RECQL5: variants seen among roughly 807,000 people sequenced by gnomAD.
The protein encoded by RECQL5 is ATP-dependent DNA helicase Q5.
In RECQL5, 88 loss-of-function variants were observed where a neutral mutation model predicts 103.4. The ratio of observed to expected loss-of-function variants is 0.85; its 90% CI spans 0.72 to 1.02. The LOEUF is 1.02. Ranked by LOEUF, RECQL5 falls within the 50% of genes least tolerant of loss-of-function variation. The pLI, the probability that RECQL5 is intolerant of heterozygous loss-of-function variation, is 0.00. For synonymous variants in RECQL5, 552 were observed against 507.9 expected, an observed-to-expected ratio of 1.09 and a Z score of -1.17; for missense variants, 1,232 against 1,284.3, an observed-to-expected ratio of 0.96 and a Z score of 0.62.
chr17:75,665,296 G>T, intron 2 of RECQL5, 124 bp from the exon 3 acceptor site: 1 of 839,704 alleles, frequency 1.2e-6, no homozygotes, highest in Non-Finnish European at 1.8e-6. Flanking sequence ...GGGTCTCGAT[G>T]TAATCCTAAT....
chr17:75,632,078 A>G (rs1196091328), intron 8 of RECQL5, among the ~76,000 whole-genome samples: 1 of 152,262 alleles, frequency 6.6e-6, no homozygotes, highest in Non-Finnish European at 1.5e-5. Context: ...AGAAAGGCAC[A>G]GCCCTCACGG....
In RECQL5 at chr17:75,636,522, T is replaced by G. The variant is rs1424775855; in HGVS notation, c.1230-4854A>C. On this transcript the variant is annotated intron_variant, in intron 8 of 19. Transcript: ENST00000317905. This position sits in a 1 kb window ranked among gnomAD's most constrained non-coding sequence, Gnocchi z 5.4. Reference sequence around the variant, plus strand: ...CACAGCTGGGAACACTAAGGTTCCCTTAGGAGCAGCGGCTGGGGCACATGC... The same window carrying G: ...CACAGCTGGGAACACTAAGGTTCCCGTAGGAGCAGCGGCTGGGGCACATGC... 2 of 152,186 alleles carry G rather than the reference T, an allele frequency of 1.3e-5. No homozygotes were observed. The highest frequency in any genetic ancestry group is 2.9e-5 in the Non-Finnish European group (2 of 68,056). The allele number at this position is 152,186 out of a possible 1,614,324, so 9.4% of individuals were successfully genotyped here. A position where few individuals can be genotyped will look rare whatever the true frequency, so the allele number is the denominator to read the frequency against.
In RECQL5 at chr17:75,648,174, C is replaced by A. The variant is rs140400581; in HGVS notation, c.1229+3012G>T. On this transcript the variant is annotated intron_variant, in intron 8 of 19. Coordinates refer to ENST00000317905, the MANE Select transcript of RECQL5 (RefSeq NM_004259.7). Reference sequence around the variant, plus strand: ...TCTCTCCCACCACAGGGCCTTTGCACATGCTATTCTCATTGACCGGGATGC... The same window carrying A: ...TCTCTCCCACCACAGGGCCTTTGCAAATGCTATTCTCATTGACCGGGATGC... 1.7e-4 allele frequency among the ~76,000 whole-genome samples: 26 copies of A among 152,140 alleles called. No individual in the cohort carries two copies. In the East Asian group the frequency reaches 4.7e-3, roughly 27 times the overall value.
At chr17:75,665,292 C>T (rs900028299) in intron 2 of RECQL5, 120 bp from the exon 3 acceptor site, 19 of 852,834 alleles carry the variant, frequency 2.2e-5, no homozygotes, top group Non-Finnish European at 3.1e-5. Flanking sequence ...GGGAGGGTCT[C>T]GATGTAATCC....
intron 7 of RECQL5, 46 bp from the exon 8 acceptor site, chr17:75,651,311 T>C (rs2059552795): frequency 6.2e-7 from 1 of 1,610,280 alleles, no homozygotes; most frequent in African/African-American, 1.3e-5. Flanking sequence ...AGAATTGGAC[T>C]ACCTTAGAGC....
At chr17:75,650,227 T>A (rs1184280077) in intron 8 of RECQL5, 1 of 990,602 alleles carries the variant, frequency 1.0e-6, no homozygotes, top group African/African-American at 1.7e-5. Flanking sequence ...AGCCGACCAC[T>A]TTTGCTGGGC....
chr17:75,661,507 G>A (rs987565900), intron 5 of RECQL5, 99 bp downstream of exon 5: 16 of 801,800 alleles, frequency 2.0e-5, no homozygotes, highest in African/African-American at 1.5e-4. Context: ...TCTGCAATAA[G>A]ATGGTGGGTC....
intron 7 of RECQL5, 29 bp from the exon 8 acceptor site, chr17:75,651,294 G>T: frequency 6.2e-7 from 1 of 1,613,618 alleles, no homozygotes; most frequent in Non-Finnish European, 8.5e-7. Context: ...CACTTAGCAA[G>T]TCTTATAGAA....
chr17:75,635,605 C>G (rs1040237721), intron 8 of RECQL5, among the ~76,000 whole-genome samples: 3 of 152,222 alleles, frequency 2.0e-5, no homozygotes, highest in African/African-American at 4.8e-5. Flanking sequence ...CCCAAAGGCT[C>G]AGTGCCACAA....
intron 7 of RECQL5, among the ~76,000 whole-genome samples, chr17:75,655,417 G>A (rs2059606133): frequency 6.7e-6 from 1 of 149,338 alleles, no homozygotes; most frequent in Non-Finnish European, 1.5e-5. Flanking sequence ...AGGCTGGAGT[G>A]CAGTGGTGCA....
In RECQL5 at chr17:75,630,812, AG is replaced by A; in HGVS notation, c.1610del (p.Ala537ValfsTer9). The A allele has an allele frequency of 7.4e-7, 1 of 1,355,348 alleles. No homozygotes were observed. 84.0% of individuals were successfully genotyped at this position (1,355,348 alleles called of 1,614,324 possible). A position where few individuals can be genotyped will look rare whatever the true frequency, so the allele number is the denominator to read the frequency against. On this transcript the variant is annotated frameshift_variant, in exon 12 of 20. Transcript: ENST00000317905. LOFTEE classifies it high-confidence loss of function. ...PPDENCPLKE[A>X]SSRRIPRLTV... ...TCAGCCTGGGGATCCTCCTGCTAGA[AG>A]CCTCTTTCAGGGGACAGTTCTCATC...
intron 8 of RECQL5, chr17:75,650,716 C>A: frequency 6.2e-7 from 1 of 1,613,374 alleles, no homozygotes; most frequent in Non-Finnish European, 8.5e-7. Flanking sequence ...CCTGCCCCAT[C>A]GCCTGCAGAT....
At chr17:75,641,826 C>G (rs1016136772) in intron 8 of RECQL5, among the ~76,000 whole-genome samples, 4 of 152,176 alleles carry the variant, frequency 2.6e-5, no homozygotes, top group African/African-American at 9.7e-5. Flanking sequence ...CCCTGTGGCC[C>G]TCCCCCATTT....
At chr17:75,631,088 T>G (rs372155488) in intron 10 of RECQL5, 62 bp downstream of exon 10, 2 of 1,611,056 alleles carry the variant, frequency 1.2e-6, no homozygotes, top group South Asian at 2.2e-5. Flanking sequence ...GAGAAGGGGC[T>G]GAGAGGTGCG....
chr17:75,666,045 C>T (rs558198756), intron 2 of RECQL5, among the ~76,000 whole-genome samples: 2 of 152,134 alleles, frequency 1.3e-5, no homozygotes, highest in African/African-American at 4.8e-5. Context: ...TACAAACGAA[C>T]AATAATGAGA....
In RECQL5 at chr17:75,661,669, C is replaced by G. The variant is rs1156710356; in HGVS notation, c.811G>C (p.Ala271Pro). The G allele has an allele frequency of 6.2e-7, 1 of 1,614,114 alleles. No individual in the cohort carries two copies. The highest frequency in any genetic ancestry group is 1.1e-5 in the South Asian group (1 of 91,078). Reference sequence around the variant, plus strand: ...AGCTCTATGGCCAGCTGTTCACAAGCCTCTCTAGTCCTGCAGTACACAATG... The same window carrying G: ...AGCTCTATGGCCAGCTGTTCACAAGGCTCTCTAGTCCTGCAGTACACAATG... ...CGIVYCRTRE[A>P]CEQLAIELSC... The change falls in exon 5 of 20, where the codon GCT (alanine) becomes CCT (proline). Residue 271 changes from alanine to proline, a missense_variant. Ala to Pro is a conservative substitution (Grantham distance 27). Coordinates refer to ENST00000317905, the MANE Select transcript of RECQL5 (RefSeq NM_004259.7).
chr17:75,664,458 A>G (rs2059740669), intron 3 of RECQL5, among the ~76,000 whole-genome samples: 1 of 152,214 alleles, frequency 6.6e-6, no homozygotes, highest in Non-Finnish European at 1.5e-5. Context: ...GTGTGTACAA[A>G]TACAGTTTCA....
chr17:75,658,875 T>C (rs930008993), intron 6 of RECQL5, among the ~76,000 whole-genome samples: 2 of 152,176 alleles, frequency 1.3e-5, no homozygotes, highest in African/African-American at 4.8e-5. Flanking sequence ...TCTCATTTAA[T>C]TGTTAGTCAC....
At chr17:75,649,777 G>A (rs1451646413) in intron 8 of RECQL5, 1 of 985,370 alleles carries the variant, frequency 1.0e-6, no homozygotes, top group Non-Finnish European at 1.2e-6. Flanking sequence ...ATGTAGCAAA[G>A]GAGACAGGCA....
Sources: gnomAD v4.1 joint callset for allele counts (sites outside exome capture counted in the v4.1 genomes callset) on GRCh38, gnomAD v4.1.1 for gene constraint, Gnocchi (gnomAD v3.1) non-coding constraint, MANE v1.5 for transcripts, NCBI Gene and HGNC (gene_info 2026-07-23, HGNC 2026-07-21) for gene names.